Variants in LMO7 observed in about 807,000 individuals in gnomAD.
LMO7 encodes the protein LIM domain 7.
In LMO7, 120 loss-of-function variants were observed where a neutral mutation model predicts 206.5. The observed-to-expected ratio is 0.58, with a 90% CI of 0.50 to 0.68. LMO7 has a LOEUF of 0.68. LMO7 is among the 30% of genes least tolerant of loss of function. The pLI is 0.00. For synonymous variants in LMO7, 706 were observed against 681.5 expected, an observed-to-expected ratio of 1.04 and a Z score of -0.56; for missense variants, 1,959 against 1,957.9, an observed-to-expected ratio of 1.00 and a Z score of -0.01.
intron 1 of LMO7, among the ~76,000 whole-genome samples, chr13:75,667,132 T>TG (rs2039144758): frequency 6.6e-6 from 1 of 152,182 alleles, no homozygotes; most frequent in South Asian, 2.1e-4. Context: ...AGAAGTAACT[T>TG]GTAATTCAAA....
Position 75,840,091 on chromosome 13 carries a change from C to G in LMO7, c.3458C>G (p.Ser1153Cys). 6.2e-7 allele frequency: 1 copy of G among 1,613,986 alleles called. No individual in the cohort carries two copies. Among genetic ancestry groups the G allele is most frequent in the Non-Finnish European group, 8.5e-7 (1 of 1,179,886 alleles). Residue 1153 changes from serine (S) to cysteine (C), a missense_variant, in exon 21 of 31, where the codon TCT (serine) becomes TGT (cysteine). Physicochemically the swap from Ser to Cys is moderately radical, Grantham distance 112. Transcript: ENST00000377534. Reference protein sequence around the residue: ...RRSQFFEQGSSDSVVPDLPVP... With the variant: ...RRSQFFEQGSCDSVVPDLPVP... Reference sequence around the variant, plus strand: ...CCCATGTGCTGCAACACAGGAAGCTCTGATTCGGTGGTTCCTGATGTAAGT... The same window carrying G: ...CCCATGTGCTGCAACACAGGAAGCTGTGATTCGGTGGTTCCTGATGTAAGT...
chr13:75,770,491 G>T (rs910483153), intron 4 of LMO7, among the ~76,000 whole-genome samples: 1 of 152,022 alleles, frequency 6.6e-6, no homozygotes, highest in Non-Finnish European at 1.5e-5. Flanking sequence ...GTACATAAGA[G>T]AAATAAAACC....
intron 1 of LMO7, among the ~76,000 whole-genome samples, chr13:75,665,418 A>G (rs2038989618): frequency 1.3e-5 from 2 of 152,138 alleles, no homozygotes; most frequent in Admixed American, 6.5e-5. Flanking sequence ...TTTATATGGG[A>G]AAAGAATAGA....
intron 1 of LMO7, among the ~76,000 whole-genome samples, chr13:75,699,768 T>C (rs1477952346): frequency 6.6e-6 from 1 of 152,200 alleles, no homozygotes; most frequent in Non-Finnish European, 1.5e-5. Flanking sequence ...TGTGCACCCA[T>C]TGTCATTGAT....
intron 22 of LMO7, 133 bp downstream of exon 22, chr13:75,840,628 A>T: frequency 2.8e-6 from 3 of 1,064,052 alleles, no homozygotes; most frequent in Non-Finnish European, 4.0e-6. Context: ...TGCACACAGT[A>T]CATTTTCCAT....
Position 75,841,626 on chromosome 13 carries a change from A to G in LMO7, c.3676-2A>G. On this transcript the variant is annotated splice_acceptor_variant, in intron 23 of 30. Transcript: ENST00000377534. LOFTEE classifies it high-confidence loss of function. The stretch of plus-strand genomic sequence containing the variant: ...GGATTTCTTTTTTCACTGGTCACCT[A>G]GGAACTGATGGTCCTAAGCTCAAAC... 6.3e-7 allele frequency: 1 copy of G among 1,596,692 alleles called. No homozygotes were observed. Among genetic ancestry groups the G allele is most frequent in the Non-Finnish European group, 8.5e-7 (1 of 1,169,624 alleles).
rs2140623516 is a variant in LMO7, at chr13:75,791,513, T to C, written c.318-3888T>C. Among the ~76,000 whole-genome samples the C allele has an allele frequency of 1.3e-5, 2 of 152,318 alleles. 1 individual carries two copies. The highest frequency in any genetic ancestry group is 4.1e-4 in the South Asian group (2 of 4,830). On this transcript the variant is annotated intron_variant, in intron 4 of 30. Coordinates refer to ENST00000377534, the MANE Select transcript of LMO7 (RefSeq NM_001306080.2). ...TAACCAGAATTTGAGAGCATCTGTT[T>C]GCCATGTACTGTGCGAGGCATTTTT...
At chr13:75,791,921 T>G (rs2053347113) in intron 4 of LMO7, among the ~76,000 whole-genome samples, 1 of 152,140 alleles carries the variant, frequency 6.6e-6, no homozygotes, top group Non-Finnish European at 1.5e-5. Context: ...GACTTGGGTT[T>G]CAATGCAGGT....
chr13:75,656,189 C>A (rs2038050268), intron 1 of LMO7, among the ~76,000 whole-genome samples: 1 of 152,194 alleles, frequency 6.6e-6, no homozygotes, highest in African/African-American at 2.4e-5. Flanking sequence ...TCTTCCAGTT[C>A]TCCCATGCTG....
At chr13:75,803,945 G>T (rs1382856644) in intron 7 of LMO7, among the ~76,000 whole-genome samples, 1 of 151,988 alleles carries the variant, frequency 6.6e-6, no homozygotes, top group Admixed American at 6.6e-5. Flanking sequence ...TTAAGTATCT[G>T]TGACTCCATT....
chr13:75,852,548 G>C (rs2060582235), intron 27 of LMO7, among the ~76,000 whole-genome samples: 1 of 152,194 alleles, frequency 6.6e-6, no homozygotes, highest in Admixed American at 6.5e-5. Flanking sequence ...GAAACATGAT[G>C]CCACTGATGA....
At chr13:75,642,609 GTAAATAAA>G (rs558800592) in intron 1 of LMO7, among the ~76,000 whole-genome samples, 8 of 151,744 alleles carry the variant, frequency 5.3e-5, no homozygotes, top group African/African-American at 1.9e-4. Flanking sequence ...TCTTTAAAAA[GTAAATAAA>G]TAAATAAATA....
intron 1 of LMO7, among the ~76,000 whole-genome samples, chr13:75,684,495 T>G (rs1362626098): frequency 4.6e-5 from 7 of 151,922 alleles, no homozygotes; most frequent in Non-Finnish European, 8.8e-5. Flanking sequence ...TCCGCCCTCC[T>G]TGGCCTCCCA....
intron 2 of LMO7, among the ~76,000 whole-genome samples, chr13:75,720,962 C>A (rs117829620): frequency 7.9e-5 from 12 of 152,204 alleles, no homozygotes; most frequent in Non-Finnish European, 1.5e-4. Flanking sequence ...TTATTTTACT[C>A]ATGGACATGT....
At chr13:75,669,494 C>T (rs977138534) in intron 1 of LMO7, among the ~76,000 whole-genome samples, 5 of 151,906 alleles carry the variant, frequency 3.3e-5, no homozygotes, top group East Asian at 3.9e-4. Context: ...ATCGGAGATG[C>T]GAAGGTATGA....
At chr13:75,735,927 A>G (rs2045783007) in intron 3 of LMO7, among the ~76,000 whole-genome samples, 1 of 152,110 alleles carries the variant, frequency 6.6e-6, no homozygotes, top group Non-Finnish European at 1.5e-5. Context: ...TATTGCTTTA[A>G]TTTAAAATTG....
rs2061123821 is a variant in LMO7 at position 75,858,387 on chromosome 13, G to T, written c.*444G>T. The T allele has an allele frequency of 6.5e-6, 1 of 153,606 alleles. No individual in the cohort carries two copies. Among genetic ancestry groups the T allele is most frequent in the Non-Finnish European group, 1.4e-5 (1 of 68,980 alleles). The allele number at this position is 153,606 out of a possible 1,614,324, so 9.5% of individuals were successfully genotyped here. On this transcript the variant is annotated 3_prime_UTR_variant, in exon 31 of 31. Transcript: ENST00000377534. ...TTATTGTAATGTATTCTAAATTAAT[G>T]CAGAACCATATGGAAAATTTCATTA... is the stretch of plus-strand genomic sequence containing the variant.
rs138537738 is a variant in LMO7, at chr13:75,750,547, A to T, written c.211-10385A>T. 8.6e-5 allele frequency among the ~76,000 whole-genome samples: 13 copies of T among 151,844 alleles called. No individual in the cohort carries two copies. The East Asian group carries it at 2.5e-3, about 29-fold the overall frequency. ...TAGGACTACAGGTGCATGCCACCGC[A>T]CCTGGATAATAATTTTATTTTTTTT... is the stretch of plus-strand genomic sequence containing the variant. On this transcript the variant is annotated intron_variant, in intron 3 of 30. Coordinates refer to ENST00000377534, the MANE Select transcript of LMO7 (RefSeq NM_001306080.2).
chr13:75,807,775 A>C lies in LMO7; in HGVS notation c.1492A>C (p.Ile498Leu). 1 of 1,613,988 alleles carries C rather than the reference A, an allele frequency of 6.2e-7. No homozygotes were observed. Among genetic ancestry groups the C allele is most frequent in the Non-Finnish European group, 8.5e-7 (1 of 1,179,870 alleles). Residue 498 changes from isoleucine to leucine, a missense_variant, in exon 10 of 31, where the codon ATA becomes CTA. Physicochemically the swap from Ile to Leu is conservative, Grantham distance 5. Coordinates refer to ENST00000377534, the MANE Select transcript of LMO7 (RefSeq NM_001306080.2). ...SEQDDSVERDIILQCREGELV... is the reference protein window; with the variant it reads ...SEQDDSVERDLILQCREGELV... ...GCAAGATGATTCTGTAGAGCGAGAT[A>C]TAATTTTACAGTGTAGAGAAGGTGA...
Sources: gnomAD v4.1 joint callset for allele counts (sites outside exome capture counted in the v4.1 genomes callset) on GRCh38, gnomAD v4.1.1 for gene constraint, MANE v1.5 for transcripts, NCBI Gene and HGNC (gene_info 2026-07-23, HGNC 2026-07-21) for gene names.